The following TLE5 variants were observed in gnomAD, a reference collection of about 807,000 sequenced individuals.
TLE5 encodes TLE family member 5, transcriptional modulator.
Under a neutral mutation model 25.8 loss-of-function variants are expected in TLE5, and 7 were observed. The ratio of observed to expected loss-of-function variants is 0.27; its 90% CI spans 0.15 to 0.51. TLE5 has a LOEUF of 0.51. Among genes scored for constraint, TLE5 ranks in the 20% least tolerant of loss-of-function variants. TLE5 has a pLI of 0.97. For synonymous variants in TLE5, 132 were observed against 110.5 expected, an observed-to-expected ratio of 1.20 and a Z score of -1.22; for missense variants, 149 against 250.7, an observed-to-expected ratio of 0.59 and a Z score of 2.74.
In TLE5 at chr19:3,062,493, A is replaced by G; in HGVS notation, c.-293T>C. ...ATTGTCTAATGGCGGCGACGCCGGC[A>G]GTGGCCGCGGCTCGGCTGCTGCGGA... On this transcript the variant is annotated 5_prime_UTR_variant, in exon 1 of 7. Coordinates refer to ENST00000327141, the MANE Select transcript of TLE5 (RefSeq NM_001130.6). The G allele has an allele frequency of 1.6e-6, 1 of 608,106 alleles. No individual in the cohort carries two copies. The highest frequency in any genetic ancestry group is 2.0e-6 in the Non-Finnish European group (1 of 494,686). The allele number at this position is 608,106 out of a possible 1,614,324, so 37.7% of individuals were successfully genotyped here.
At chr19:3,057,639 C>G (rs1223343371) in intron 3 of TLE5, 40 bp downstream of exon 3, 4 of 1,600,762 alleles carry the variant, frequency 2.5e-6, no homozygotes, top group Admixed American at 1.7e-5. Context: ...GGCCCTGTCG[C>G]CCGCCCCCAA....
intron 3 of TLE5, chr19:3,056,564 G>A (rs1415299208): frequency 6.1e-6 from 4 of 654,202 alleles, no homozygotes; most frequent in African/African-American, 3.6e-5. Context: ...CCCTGGAGAG[G>A]GGCAGGGGGC....
Position 3,054,165 on chromosome 19 carries a change from C to T in TLE5, c.327G>A (p.Glu109=). 6.2e-7 allele frequency: 1 copy of T among 1,606,970 alleles called. No individual in the cohort carries two copies. The highest frequency in any genetic ancestry group is 8.5e-7 in the Non-Finnish European group (1 of 1,178,252). Residue 109 remains glutamate (E), a synonymous_variant, in exon 6 of 7, where the codon GAG becomes GAA. Coordinates refer to ENST00000327141, the MANE Select transcript of TLE5 (RefSeq NM_001130.6). Reference sequence around the variant, plus strand: ...CGGGAGCGGTGACCTGCTTGGCCCTCTCAATGGCTCCCAAGACCTGCTGCT... The same window carrying T: ...CGGGAGCGGTGACCTGCTTGGCCCTTTCAATGGCTCCCAAGACCTGCTGCT... ...EHQQQVLGAI[E]RAKQVTAPEL... is the part of the protein sequence containing the mutation.
upstream of TLE5, chr19:3,062,965 C>T (rs765299674): frequency 7.1e-6 from 5 of 704,016 alleles, no homozygotes; most frequent in Non-Finnish European, 1.2e-5. Context: ...CCCGCTGCTC[C>T]AGGGCCCTGG....
chr19:3,060,328 CTTTTTTTT>C (rs990199468), intron 2 of TLE5, among the ~76,000 whole-genome samples: 55 of 93,196 alleles, frequency 5.9e-4, no homozygotes, highest in African/African-American at 8.3e-4. Flanking sequence ...TTTTTTCTTT[CTTTTTTTT>C]TTTTTTTTTT....
Position 3,053,764 on chromosome 19 carries a change from C to T in TLE5, c.*55G>A, listed in dbSNP as rs368788136. The T allele has an allele frequency of 6.1e-4, 950 of 1,549,806 alleles. No homozygotes were observed. The highest frequency in any genetic ancestry group is 1.2e-3 in the East Asian group (53 of 44,328). On this transcript the variant is annotated 3_prime_UTR_variant, in exon 7 of 7. Coordinates refer to ENST00000327141, the MANE Select transcript of TLE5 (RefSeq NM_001130.6). ...CTTGTGCTAAACATTCCTTTCTCTC[C>T]GTGCCTCTGTCTCCCCTCTGTCCCC...
chr19:3,061,881 CGGGTTGGG>C (rs1008959483), intron 1 of TLE5, among the ~76,000 whole-genome samples: 11 of 8,038 alleles, frequency 1.4e-3, no homozygotes, highest in Admixed American at 5.0e-3. Flanking sequence ...ACTGTCCCGG[CGGGTTGGG>C]GGGGGGGGGC....
At position 3,055,720 on chromosome 19, in the gene TLE5, T is replaced by C. The variant is rs1322837623; in HGVS notation, c.241A>G (p.Ile81Val). The change falls in exon 5 of 7, where the codon ATC (isoleucine) becomes GTC (valine). Residue 81 changes from isoleucine (I) to valine (V), a missense_variant. By Grantham distance (29) the Ile-to-Val change is conservative. Coordinates refer to ENST00000327141, the MANE Select transcript of TLE5 (RefSeq NM_001130.6). ...CAAATCCCGTTCAGCCTTTTGACGA[T>C]CTCAGCCTGGAACACACAGATGAAG... ...LNIEMHKQAE[I>V]VKRLNGICAQ... is the part of the protein sequence containing the mutation. The C allele has an allele frequency of 6.2e-7, 1 of 1,608,186 alleles. No individual in the cohort carries two copies. The highest frequency in any genetic ancestry group is 8.5e-7 in the Non-Finnish European group (1 of 1,176,876).
In TLE5 at chr19:3,053,919, G is replaced by A. The variant is rs906781259; in HGVS notation, c.494C>T (p.Ser165Leu). The A allele has an allele frequency of 2.5e-6, 4 of 1,613,000 alleles. No individual in the cohort carries two copies. Among genetic ancestry groups the A allele is most frequent in the African/African-American group, 1.3e-5 (1 of 75,064 alleles). Residue 165 changes from serine (S) to leucine (L), a missense_variant, in exon 7 of 7, where the codon TCG (serine) becomes TTG (leucine). By Grantham distance (145) the Ser-to-Leu change is moderately radical (BLOSUM62 -2). Coordinates refer to ENST00000327141, the MANE Select transcript of TLE5 (RefSeq NM_001130.6). ...PAVSAGTGLL[S>L]LSALGSQAHL... is the part of the protein sequence containing the mutation. ...GGCCTGGGAACCCAGCGCGGACAGC[G>A]AGAGGAGGCCGGTGCCTGCGCTGAC...
Position 3,057,702 on chromosome 19 carries a change from C to CT in TLE5, c.165dup (p.Glu56ArgfsTer25). 6.2e-7 allele frequency: 1 copy of CT among 1,613,712 alleles called. No individual in the cohort carries two copies. The highest frequency in any genetic ancestry group is 2.2e-5 in the East Asian group (1 of 44,874). ...ACCATCACATAGTGACGCTGCATCTCTGACTTCTCACTGGCCAACTTGTCA... is the reference window on the plus strand; with the variant it reads ...ACCATCACATAGTGACGCTGCATCTCTTGACTTCTCACTGGCCAACTTGTCA... On this transcript the variant is annotated frameshift_variant, in exon 3 of 7. Coordinates refer to ENST00000327141, the MANE Select transcript of TLE5 (RefSeq NM_001130.6). LOFTEE classifies it high-confidence loss of function.
rs886896894 is a variant in TLE5, at chr19:3,057,806, C to T, written c.126-64G>A. On this transcript the variant is annotated intron_variant, in intron 2 of 6. Coordinates refer to ENST00000327141, the MANE Select transcript of TLE5 (RefSeq NM_001130.6). ...GGCTGGGCGGGAGCCCCCCACCCTC[C>T]GTTATCCAGGGGAGGAAACTGAGGC... is the stretch of plus-strand genomic sequence containing the variant. 1.5e-5 allele frequency: 23 copies of T among 1,498,168 alleles called. No individual in the cohort carries two copies. In the African/African-American group the frequency reaches 1.8e-4, roughly 12 times the overall value. 92.8% of individuals were successfully genotyped at this position (1,498,168 alleles called of 1,614,324 possible). A position where few individuals can be genotyped will look rare whatever the true frequency, so the allele number is the denominator to read the frequency against.
intron 2 of TLE5, among the ~76,000 whole-genome samples, chr19:3,058,429 C>T (rs1222140764): frequency 6.6e-6 from 1 of 152,114 alleles, no homozygotes; most frequent in Non-Finnish European, 1.5e-5. Context: ...TTTTCCAGAC[C>T]CAAATAGAAC....
intron 5 of TLE5, chr19:3,054,765 T>TAG (rs2090203332): frequency 6.4e-6 from 1 of 156,272 alleles, no homozygotes; most frequent in Non-Finnish European, 1.4e-5. Flanking sequence ...CAGCAGATGC[T>TAG]AGAATCTACC....
rs1453860833 is a variant in TLE5 at position 3,053,144 on chromosome 19, A to T, written c.*675T>A. 1.3e-5 allele frequency: 2 copies of T among 152,126 alleles called. No individual in the cohort carries two copies. The highest frequency in any genetic ancestry group is 2.9e-5 in the Non-Finnish European group (2 of 68,020). 9.4% of individuals were successfully genotyped at this position (152,126 alleles called of 1,614,324 possible). A position where few individuals can be genotyped will look rare whatever the true frequency, so the allele number is the denominator to read the frequency against. On this transcript the variant is annotated 3_prime_UTR_variant, in exon 7 of 7. Coordinates refer to ENST00000327141, the MANE Select transcript of TLE5 (RefSeq NM_001130.6). ...AAAAAGAAAAAAATAATAATAAAAT[A>T]AAAACCAAGACAACTTTAGTACCCT...
rs1599271425 is a variant in TLE5, at chr19:3,057,732, C to T, written c.136G>A (p.Glu46Lys). Residue 46 changes from glutamate (E) to lysine (K), a missense_variant, in exon 3 of 7, where the codon GAA (glutamate) becomes AAA (lysine). Physicochemically the swap from Glu to Lys is moderately conservative, Grantham distance 56. Transcript: ENST00000327141. ...TTCTCACTGGCCAACTTGTCACATT[C>T]GAGCTTGAGGCTGAGGAGGCACAGG... ...LQAQYHSLKL[E>K]CDKLASEKSE... is the part of the protein sequence containing the mutation. 1.2e-6 allele frequency: 2 copies of T among 1,613,614 alleles called. No homozygotes were observed. The highest frequency in any genetic ancestry group is 1.7e-6 in the Non-Finnish European group (2 of 1,179,940).
At chr19:3,054,086 T>TGGGGGGGGGGGGGGCC in intron 6 of TLE5, 34 bp downstream of exon 6, 2 of 1,512,792 alleles carry the variant, frequency 1.3e-6, no homozygotes, top group Non-Finnish European at 1.8e-6. Context: ...GGCCCACCTG[T>TGGGGGGGGGGGGGGCC]CCCCCGCCCA....
upstream of TLE5, chr19:3,062,668 C>T (rs1432205086): frequency 3.3e-5 from 45 of 1,380,804 alleles, no homozygotes; most frequent in Non-Finnish European, 4.2e-5. Flanking sequence ...CCGCCCCCGC[C>T]CCGGGCAGCG....
chr19:3,060,422 T>G (rs1051027150), intron 2 of TLE5, among the ~76,000 whole-genome samples: 1 of 130,972 alleles, frequency 7.6e-6, no homozygotes, highest in African/African-American at 2.9e-5. Flanking sequence ...AACCTCCGCC[T>G]CACGGGTTCA....
At chr19:3,056,278 G>A in intron 4 of TLE5, 34 bp downstream of exon 4, 1 of 1,418,414 alleles carries the variant, frequency 7.1e-7, no homozygotes, top group Non-Finnish European at 9.4e-7. Context: ...GGGGAAGGAG[G>A]AGGAGGAGGA....
Sources: allele counts gnomAD v4.1 joint callset (sites outside exome capture counted in the v4.1 genomes callset), GRCh38; gene constraint gnomAD v4.1.1; transcripts MANE v1.5; gene names NCBI Gene and HGNC (gene_info 2026-07-23, HGNC 2026-07-21).